RABIF: variants seen among roughly 807,000 people sequenced by gnomAD.
RABIF encodes RAB interacting factor.
Under a neutral mutation model 12.3 loss-of-function variants are expected in RABIF, and 13 were observed. The observed-to-expected ratio is 1.06, with a 90% CI of 0.69 to 1.68. RABIF has a LOEUF of 1.68. Ranked by LOEUF, RABIF falls within the 40% of genes most tolerant of loss-of-function variation. The probability of loss-of-function intolerance (pLI) is 0.00; values close to 1 mark genes in which losing one functional copy is unlikely to be tolerated. For missense variants in RABIF, 153 were observed against 158.0 expected, an observed-to-expected ratio of 0.97 and a Z score of 0.17; for synonymous variants, 70 against 63.3, an observed-to-expected ratio of 1.11 and a Z score of -0.50.
intron 1 of RABIF, among the ~76,000 whole-genome samples, chr1:202,882,952 A>G (rs1210397580): frequency 6.6e-6 from 1 of 152,168 alleles, no homozygotes; most frequent in East Asian, 1.9e-4. Context: ...TAGTTCTACA[A>G]TTTGGAATTA....
chr1:202,885,132 G>T lies in RABIF; in HGVS notation c.126+3841C>A, dbSNP rs544951741. Among the ~76,000 whole-genome samples, 60 of 149,582 alleles carry T rather than the reference G, an allele frequency of 4.0e-4. 1 individual carries two copies. In the East Asian group the frequency reaches 7.1e-3, roughly 18 times the overall value. On this transcript the variant is annotated intron_variant, in intron 1 of 1. Coordinates refer to ENST00000367262, the MANE Select transcript of RABIF (RefSeq NM_002871.5). ...AAAAAAAGAAAAGAAAGAAAAAGAT[G>T]CTTAACAGCAACCCTGGCTTCTACC...
At chr1:202,881,407 C>CAT (rs531340200) in intron 1 of RABIF, among the ~76,000 whole-genome samples, 184 bp from the exon 2 acceptor site, 1 of 149,022 alleles carries the variant, frequency 6.7e-6, no homozygotes, top group African/African-American at 2.5e-5. Context: ...TGCCCTGATT[C>CAT]TTTTTTTTTT....
rs370919402 is a variant in RABIF, at chr1:202,882,928, T to C, written c.127-1705A>G. Among the ~76,000 whole-genome samples, 23 of 152,320 alleles carry C rather than the reference T, an allele frequency of 1.5e-4. 1 individual carries two copies. The South Asian group carries it at 3.5e-3, about 23-fold the overall frequency. On this transcript the variant is annotated intron_variant, in intron 1 of 1. Coordinates refer to ENST00000367262, the MANE Select transcript of RABIF (RefSeq NM_002871.5). ...TTAGGGATATACTGGATTTATCTTA[T>C]AAAAAGAAAAATCTAGTTCTACAAT...
rs146254234 is a variant in RABIF at position 202,880,995 on chromosome 1, G to A, written c.355C>T (p.Arg119Ter). ...CCCCTCAGTTACTCATGGGAAACTC[G>A]TTCCAAGGCCACATAGAAACTGTTC... ...DKNSFYVALE[R>*]VSHE The change falls in exon 2 of 2, where the codon CGA becomes TGA. Residue 119 changes from arginine to a stop codon, truncating the protein, a stop_gained. Coordinates refer to ENST00000367262, the MANE Select transcript of RABIF (RefSeq NM_002871.5). LOFTEE classifies it high-confidence loss of function. 10 of 1,613,944 alleles carry A rather than the reference G, an allele frequency of 6.2e-6. No homozygotes were observed. The highest frequency in any genetic ancestry group is 2.7e-5 in the African/African-American group (2 of 74,894).
At chr1:202,883,630 C>G (rs1659521158) in intron 1 of RABIF, among the ~76,000 whole-genome samples, 1 of 152,124 alleles carries the variant, frequency 6.6e-6, no homozygotes, top group Admixed American at 6.5e-5. Context: ...GTGTGTCCAA[C>G]AAAACAGAAA....
Position 202,881,163 on chromosome 1 carries a change from C to G in RABIF, c.187G>C (p.Asp63His), listed in dbSNP as rs375442765. Reference sequence around the variant, plus strand: ...ACCAGCCAGTGTTCCTGGAGGAGATCGCCGTCAGGATTGCTGCCGTCAGAC... The same window carrying G: ...ACCAGCCAGTGTTCCTGGAGGAGATGGCCGTCAGGATTGCTGCCGTCAGAC... ...ALSDGSNPDGDLLQEHWLVED... is the reference protein window; with the variant it reads ...ALSDGSNPDGHLLQEHWLVED... The change falls in exon 2 of 2, where the codon GAT becomes CAT. Residue 63 changes from aspartate (D) to histidine (H), a missense_variant. This residue lies in a region of RABIF where 113 missense variants were observed against 90.9 expected (regional missense o/e 1.24). Transcript: ENST00000367262. 1 of 1,614,112 alleles carries G rather than the reference C, an allele frequency of 6.2e-7. No homozygotes were observed. The highest frequency in any genetic ancestry group is 1.3e-5 in the African/African-American group (1 of 74,990).
intron 1 of RABIF, among the ~76,000 whole-genome samples, chr1:202,886,970 G>C (rs1404846294): frequency 2.0e-5 from 3 of 150,264 alleles, no homozygotes; most frequent in Non-Finnish European, 4.4e-5. Context: ...CTGACCTCAA[G>C]TGATCCGCCC....
Position 202,880,873 on chromosome 1 carries a change from T to C in RABIF, c.*105A>G, listed in dbSNP as rs3820379. ...ACATGCTGGTACTCAGTATTTATAT[T>C]AGCACAGACAAGAAGGCAGCGGAAC... On this transcript the variant is annotated 3_prime_UTR_variant, in exon 2 of 2. Transcript: ENST00000367262. 4 of 1,533,456 alleles carry C rather than the reference T, an allele frequency of 2.6e-6. No individual in the cohort carries two copies. The East Asian group carries it at 6.8e-5, about 26-fold the overall frequency. The allele number at this position is 1,533,456 out of a possible 1,614,324, so 95.0% of individuals were successfully genotyped here.
chr1:202,882,217 C>T (rs1659501485), intron 1 of RABIF, among the ~76,000 whole-genome samples: 1 of 151,990 alleles, frequency 6.6e-6, no homozygotes, highest in African/African-American at 2.4e-5. Context: ...CCCATCTCTA[C>T]AAAAAACACA....
chr1:202,882,398 C>A (rs562681230), intron 1 of RABIF, among the ~76,000 whole-genome samples: 67 of 151,804 alleles, frequency 4.4e-4, no homozygotes, highest in African/African-American at 9.2e-4. Context: ...ACAACAACAA[C>A]AAAAAAAATT....
rs1165816374 is a variant in RABIF at position 202,880,103 on chromosome 1, G to A, written c.*875C>T. 6.6e-6 allele frequency: 1 copy of A among 152,180 alleles called. No individual in the cohort carries two copies. Among genetic ancestry groups the A allele is most frequent in the Non-Finnish European group, 1.5e-5 (1 of 68,042 alleles). The allele number at this position is 152,180 out of a possible 1,614,324, so 9.4% of individuals were successfully genotyped here. The stretch of plus-strand genomic sequence containing the variant: ...TATCCATTAAAGAAGTCTTGCCTAT[G>A]AACAAAAGAAGAAAGTTACTTGTCC... On this transcript the variant is annotated 3_prime_UTR_variant, in exon 2 of 2. Coordinates refer to ENST00000367262, the MANE Select transcript of RABIF (RefSeq NM_002871.5).
At chr1:202,886,136 G>A (rs1014371099) in intron 1 of RABIF, among the ~76,000 whole-genome samples, 2 of 151,260 alleles carry the variant, frequency 1.3e-5, no homozygotes, top group Non-Finnish European at 2.9e-5. Flanking sequence ...CACAATTTTT[G>A]GCAAAATCAG....
rs1253281116 is a variant in RABIF, at chr1:202,888,825, C to G, written c.126+148G>C. 4 of 1,164,414 alleles carry G rather than the reference C, an allele frequency of 3.4e-6. No homozygotes were observed. In the Admixed American group the frequency reaches 1.2e-4, roughly 34 times the overall value. 72.1% of individuals were successfully genotyped at this position (1,164,414 alleles called of 1,614,324 possible). On this transcript the variant is annotated intron_variant, in intron 1 of 1. Transcript: ENST00000367262. The stretch of plus-strand genomic sequence containing the variant: ...TTCAGCGGCCCCAGGGGCGGAGCCT[C>G]GCCGAGCTGAGGCCCGAGGGGCGGG...
intron 1 of RABIF, among the ~76,000 whole-genome samples, chr1:202,888,433 C>T (rs1336359861): frequency 6.6e-6 from 1 of 152,186 alleles, no homozygotes; most frequent in African/African-American, 2.4e-5. Context: ...TATTTTGCCG[C>T]GTCCCCAACA....
At chr1:202,888,931 G>A (rs377451642) in intron 1 of RABIF, 42 bp downstream of exon 1, 3 of 1,486,280 alleles carry the variant, frequency 2.0e-6, no homozygotes, top group Non-Finnish European at 2.7e-6. Flanking sequence ...GGCTCGTCGG[G>A]GGAGACTGTG....
chr1:202,879,355 A>C lies in RABIF; in HGVS notation c.*1623T>G, dbSNP rs1324613339. On this transcript the variant is annotated 3_prime_UTR_variant, in exon 2 of 2. Coordinates refer to ENST00000367262, the MANE Select transcript of RABIF (RefSeq NM_002871.5). Reference sequence around the variant, plus strand: ...CCACTATGCCCAGGTAATTTTGTTCATTTTTTAAATAGAGATGGGGTCTCA... The same window carrying C: ...CCACTATGCCCAGGTAATTTTGTTCCTTTTTTAAATAGAGATGGGGTCTCA... 1.3e-5 allele frequency: 2 copies of C among 151,864 alleles called. No homozygotes were observed. Among genetic ancestry groups the C allele is most frequent in the African/African-American group, 2.4e-5 (1 of 41,332 alleles). The allele number at this position is 151,864 out of a possible 1,614,324, so 9.4% of individuals were successfully genotyped here.
At chr1:202,887,245 T>A (rs1358527269) in intron 1 of RABIF, among the ~76,000 whole-genome samples, 1 of 152,094 alleles carries the variant, frequency 6.6e-6, no homozygotes, top group East Asian at 1.9e-4. Flanking sequence ...CATCTTCATT[T>A]TACAAGCTTG....
At chr1:202,888,911 T>C (rs925904198) in intron 1 of RABIF, 62 bp downstream of exon 1, 15 of 1,457,666 alleles carry the variant, frequency 1.0e-5, no homozygotes, top group African/African-American at 1.0e-4. Context: ...GTTCAGATTC[T>C]GACTGCGGCG....
At position 202,881,012 on chromosome 1, in the gene RABIF, A is replaced by C. The variant is rs1659480523; in HGVS notation, c.338T>G (p.Phe113Cys). Residue 113 changes from phenylalanine to cysteine, a missense_variant, in exon 2 of 2, where the codon TTC becomes TGC. Physicochemically the swap from Phe to Cys is radical, Grantham distance 205. Transcript: ENST00000367262. Reference protein sequence around the residue: ...GWHCLDDKNSFYVALERVSHE With the variant: ...GWHCLDDKNSCYVALERVSHE ...GGAAACTCGTTCCAAGGCCACATAG[A>C]AACTGTTCTTGTCATCTAGGCAATG... is the stretch of plus-strand genomic sequence containing the variant. The C allele has an allele frequency of 1.2e-6, 2 of 1,613,986 alleles. No individual in the cohort carries two copies. Among genetic ancestry groups the C allele is most frequent in the Non-Finnish European group, 8.5e-7 (1 of 1,179,966 alleles).
Sources: gnomAD v4.1 joint callset for allele counts (sites outside exome capture counted in the v4.1 genomes callset) on GRCh38, gnomAD v4.1.1 for gene constraint, gnomAD v4.1.1 regional missense constraint, MANE v1.5 for transcripts, NCBI Gene and HGNC (gene_info 2026-07-23, HGNC 2026-07-21) for gene names.